GOLM2: variants seen among roughly 807,000 people sequenced by gnomAD.
The protein encoded by GOLM2 is golgi membrane protein 2.
GOLM2 carries 26 observed loss-of-function variants against 55.9 expected under a neutral mutation model. The observed-to-expected ratio is 0.47, with a 90% confidence interval of 0.34 to 0.65. The LOEUF is 0.65. Among genes scored for constraint, GOLM2 ranks in the 30% least tolerant of loss-of-function variants. The probability of loss-of-function intolerance (pLI) is 0.01; values close to 1 mark genes in which losing one functional copy is unlikely to be tolerated. For synonymous variants in GOLM2, 165 were observed against 194.6 expected, an observed-to-expected ratio of 0.85 and a Z score of 1.27; for missense variants, 486 against 531.8, an observed-to-expected ratio of 0.91 and a Z score of 0.85.
intron 8 of GOLM2, among the ~76,000 whole-genome samples, chr15:44,393,651 C>T (rs1041186441): frequency 4.6e-5 from 7 of 152,132 alleles, no homozygotes; most frequent in Non-Finnish European, 7.3e-5. Flanking sequence ...GACACAGTCT[C>T]GCTGTATTGC....
intron 6 of GOLM2, among the ~76,000 whole-genome samples, chr15:44,369,206 ATG>A (rs551489001): frequency 0.056 from 6,134 of 110,000 alleles, 193 homozygotes; most frequent in Admixed American, 0.11. Context: ...ATATATATAT[ATG>A]TGTGTGTGTG....
chr15:44,345,758 G>T (rs554894718), intron 6 of GOLM2: 2 of 152,060 alleles, frequency 1.3e-5, no homozygotes, highest in Non-Finnish European at 2.9e-5. Context: ...TAGGTATAAA[G>T]ATATTTAAGT....
chr15:44,295,559 A>C (rs2078750744), intron 1 of GOLM2, among the ~76,000 whole-genome samples: 1 of 152,230 alleles, frequency 6.6e-6, no homozygotes, highest in African/African-American at 2.4e-5. Context: ...AAAATGCCAC[A>C]GACTAGGTGG....
chr15:44,390,741 A>G (rs1208470280), intron 8 of GOLM2, among the ~76,000 whole-genome samples: 1 of 151,568 alleles, frequency 6.6e-6, no homozygotes, highest in East Asian at 1.9e-4. Context: ...GGCTAATGTT[A>G]TATTTTTAGT....
intron 1 of GOLM2, among the ~76,000 whole-genome samples, chr15:44,321,337 T>G (rs1438989932): frequency 6.6e-6 from 1 of 151,794 alleles, no homozygotes; most frequent in East Asian, 1.9e-4. Flanking sequence ...CCTGGCATGG[T>G]GGCAAATGCC....
At chr15:44,360,024 G>A (rs2079226109) in intron 6 of GOLM2, among the ~76,000 whole-genome samples, 1 of 151,956 alleles carries the variant, frequency 6.6e-6, no homozygotes, top group African/African-American at 2.4e-5. Flanking sequence ...TCACCACCAG[G>A]CCTGCCCTAA....
intron 1 of GOLM2, among the ~76,000 whole-genome samples, chr15:44,290,313 C>T (rs748210068): frequency 1.3e-5 from 2 of 152,174 alleles, no homozygotes; most frequent in Non-Finnish European, 2.9e-5. Context: ...AGATGCCTTT[C>T]TATACACTTC....
intron 6 of GOLM2, among the ~76,000 whole-genome samples, chr15:44,342,759 T>C (rs1459182083): frequency 1.3e-5 from 2 of 152,212 alleles, no homozygotes; most frequent in Non-Finnish European, 2.9e-5. Context: ...TTCATATCTT[T>C]GTATCTGGAG....
chr15:44,396,324 C>T (rs1253509792), intron 8 of GOLM2, among the ~76,000 whole-genome samples: 1 of 152,046 alleles, frequency 6.6e-6, no homozygotes, highest in African/African-American at 2.4e-5. Context: ...CAACACTGCA[C>T]TCCAGCCTGG....
In GOLM2 at chr15:44,288,935, G is replaced by C; in HGVS notation, c.-95G>C. On this transcript the variant is annotated 5_prime_UTR_variant, in exon 1 of 10. Coordinates refer to ENST00000299957, the MANE Select transcript of GOLM2 (RefSeq NM_138423.4). ...CCCGCCTCCTCCCTCGGCCGGCCCT[G>C]GGGCCGTGTCCGCCGGGCAACTCCA... The C allele has an allele frequency of 1.6e-6, 2 of 1,222,756 alleles. No homozygotes were observed. Among genetic ancestry groups the C allele is most frequent in the Non-Finnish European group, 2.3e-6 (2 of 880,632 alleles). The allele number at this position is 1,222,756 out of a possible 1,614,324, so 75.7% of individuals were successfully genotyped here. A position where few individuals can be genotyped will look rare whatever the true frequency, so the allele number is the denominator to read the frequency against.
At chr15:44,318,788 A>T (rs1473537215) in intron 1 of GOLM2, among the ~76,000 whole-genome samples, 1 of 152,030 alleles carries the variant, frequency 6.6e-6, no homozygotes, top group Non-Finnish European at 1.5e-5. Flanking sequence ...AGCTTACAGG[A>T]TGAATCCATG....
intron 1 of GOLM2, among the ~76,000 whole-genome samples, chr15:44,309,675 T>C (rs150820485): frequency 6.8e-4 from 104 of 152,300 alleles, no homozygotes; most frequent in African/African-American, 2.5e-3. Flanking sequence ...ATTAAGCCCT[T>C]ACCATGTGCC....
At chr15:44,296,553 G>A (rs535882163) in intron 1 of GOLM2, among the ~76,000 whole-genome samples, 7 of 152,142 alleles carry the variant, frequency 4.6e-5, no homozygotes, top group Non-Finnish European at 1.0e-4. Flanking sequence ...GAATATAATA[G>A]TAGTCTCTCT....
At chr15:44,329,934 C>T (rs1387436439) in intron 3 of GOLM2, among the ~76,000 whole-genome samples, 1 of 143,756 alleles carries the variant, frequency 7.0e-6, no homozygotes, top group Non-Finnish European at 1.5e-5. Context: ...GAGTCTCTCA[C>T]GTCTCTCGCT....
At chr15:44,404,625 G>A (rs145139860) in intron 9 of GOLM2, among the ~76,000 whole-genome samples, 4 of 151,472 alleles carry the variant, frequency 2.6e-5, no homozygotes, top group Admixed American at 2.0e-4. Context: ...TATTTATAAC[G>A]TTTTAAGGCT....
At chr15:44,322,075 T>C (rs2078954224) in intron 1 of GOLM2, among the ~76,000 whole-genome samples, 1 of 151,674 alleles carries the variant, frequency 6.6e-6, no homozygotes. Context: ...AGTTTAAAAA[T>C]ATATTCTTCA....
chr15:44,294,224 C>G (rs1359738877), intron 1 of GOLM2, among the ~76,000 whole-genome samples: 1 of 152,150 alleles, frequency 6.6e-6, no homozygotes, highest in African/African-American at 2.4e-5. Context: ...TACTCCAGCC[C>G]TAGAGTCAAC....
At chr15:44,353,265 C>T (rs900091363) in intron 6 of GOLM2, among the ~76,000 whole-genome samples, 3 of 152,104 alleles carry the variant, frequency 2.0e-5, no homozygotes, top group African/African-American at 7.2e-5. Flanking sequence ...TGGAGAAAAG[C>T]GAACCCTCAT....
intron 6 of GOLM2, among the ~76,000 whole-genome samples, chr15:44,357,788 A>G (rs1236837864): frequency 6.6e-6 from 1 of 152,212 alleles, no homozygotes. Context: ...TAAAAATACA[A>G]TACCATTTAT....
Sources: gnomAD v4.1 joint callset for allele counts (sites outside exome capture counted in the v4.1 genomes callset) on GRCh38, gnomAD v4.1.1 for gene constraint, MANE v1.5 for transcripts, NCBI Gene and HGNC (gene_info 2026-07-23, HGNC 2026-07-21) for gene names.